Variants in PDXDC1 observed in about 807,000 individuals in gnomAD.
PDXDC1 encodes the protein pyridoxal dependent decarboxylase domain containing 1.
Under a neutral mutation model 100.1 loss-of-function variants are expected in PDXDC1, and 42 were observed. That is an observed-to-expected ratio of 0.42 (90% CI 0.33 to 0.54). The LOEUF is 0.54. Ranked by LOEUF, PDXDC1 falls within the 20% of genes least tolerant of loss-of-function variation. The pLI is 0.10. For synonymous variants in PDXDC1, 260 were observed against 371.7 expected (o/e 0.70, Z 3.46); for missense variants, 636 against 979.2 (o/e 0.65, Z 4.68).
chr16:15,068,983 C>T (rs1449773987), intron 16 of PDXDC1, among the ~76,000 whole-genome samples: 1 of 152,054 alleles, frequency 6.6e-6, no homozygotes, highest in Non-Finnish European at 1.5e-5. Context: ...ATATTTAATC[C>T]AGATTCCTGG....
In PDXDC1 at chr16:15,131,466, C is replaced by G. The variant is rs202066712; in HGVS notation, c.1400-7413C>G. ...AGGGGATGGAGAAGTGGCAGCCAGG[C>G]CCTGGGGCGCCGCCATAGCACAGCA... is the stretch of plus-strand genomic sequence containing the variant. On this transcript the variant is annotated intron_variant, in intron 16 of 16. Coordinates refer to the PDXDC1 transcript ENST00000535621. 3.1e-3 allele frequency: 4,910 copies of G among 1,607,762 alleles called. 110 individuals carry two copies. The South Asian group carries it at 0.039, about 13-fold the overall frequency.
intron 16 of PDXDC1, among the ~76,000 whole-genome samples, chr16:15,052,963 C>CT (rs758792630): frequency 2.0e-5 from 3 of 152,134 alleles, no homozygotes; most frequent in Admixed American, 2.0e-4. Context: ...TTAAGAGTGA[C>CT]TAAGGGAGGG....
At chr16:15,063,806 T>C (rs1219752373) in intron 16 of PDXDC1, among the ~76,000 whole-genome samples, 1 of 152,084 alleles carries the variant, frequency 6.6e-6, no homozygotes, top group African/African-American at 2.4e-5. Context: ...CATTCACTCA[T>C]GTCGATGGAG....
chr16:15,042,501 A>G (rs554461192), downstream of PDXDC1, among the ~76,000 whole-genome samples: 3 of 152,136 alleles, frequency 2.0e-5, no homozygotes, highest in South Asian at 6.2e-4. Context: ...ACAATTTTAT[A>G]TCCTGATTTG....
At chr16:15,140,447 C>CAAAAAA (rs888007915), downstream of PDXDC1, among the ~76,000 whole-genome samples, 77 of 38,178 alleles carry the variant, frequency 2.0e-3, no homozygotes, top group Middle Eastern at 0.013. Flanking sequence ...AGCTCCATCT[C>CAAAAAA]AAAAAAAAAA....
At chr16:15,061,983 G>T (rs2044733292) in intron 16 of PDXDC1, 4 of 1,388,480 alleles carry the variant, frequency 2.9e-6, no homozygotes, top group Admixed American at 4.0e-5. Context: ...CCTCAGGAAG[G>T]TGTTAACGTT....
downstream of PDXDC1, chr16:15,038,722 A>T (rs771616157): frequency 1.7e-6 from 2 of 1,196,760 alleles, no homozygotes; most frequent in Non-Finnish European, 2.5e-6. Context: ...GAATTTCAGG[A>T]ATGTCACCCA....
intron 1 of PDXDC1, among the ~76,000 whole-genome samples, chr16:14,976,287 A>G (rs867101361): frequency 6.6e-6 from 1 of 152,276 alleles, no homozygotes; most frequent in Non-Finnish European, 1.5e-5. Flanking sequence ...TAAGACGGCT[A>G]CATTTTAATT....
rs58185654 is a variant in PDXDC1, at chr16:15,013,874, CAAAAA to C, written c.728-2236_728-2232del. Among the ~76,000 whole-genome samples the C allele has an allele frequency of 9.0e-3, 1,218 of 135,908 alleles. 1 individual carries two copies. The highest frequency in any genetic ancestry group is 0.03 in the East Asian group (115 of 3,818). The allele number at this position is 135,908 out of a possible 152,430, so 89.2% of individuals were successfully genotyped here. A position where few individuals can be genotyped will look rare whatever the true frequency, so the allele number is the denominator to read the frequency against. On this transcript the variant is annotated intron_variant, in intron 8 of 22. Coordinates refer to ENST00000396410, the MANE Select transcript of PDXDC1 (RefSeq NM_015027.4). The stretch of plus-strand genomic sequence containing the variant: ...TGGGCGACAGAAAGGGTCTCTGTCT[CAAAAA>C]AAAAAAAAAAAAAAAAAATCATACT...
intron 8 of PDXDC1, among the ~76,000 whole-genome samples, chr16:15,011,265 C>A (rs1303184294): frequency 2.0e-5 from 3 of 152,414 alleles, no homozygotes; most frequent in African/African-American, 7.2e-5. Flanking sequence ...TATATGGACA[C>A]TTCAGGTTTT....
At chr16:15,098,389 T>C (rs1338525596) in intron 16 of PDXDC1, among the ~76,000 whole-genome samples, 1 of 150,434 alleles carries the variant, frequency 6.6e-6, no homozygotes, top group African/African-American at 2.4e-5. Flanking sequence ...TTAGTAGAGA[T>C]GGGGTTTCTC....
chr16:15,004,049 T>A (rs1485982160), intron 4 of PDXDC1, 138 bp from the exon 5 acceptor site: 1 of 831,928 alleles, frequency 1.2e-6, no homozygotes, highest in Non-Finnish European at 1.9e-6. Flanking sequence ...AAACTATCAC[T>A]ACTGTTTATG....
rs200853674 is a variant in PDXDC1 at position 15,036,477 on chromosome 16, G to T, written c.*202G>T. 5.2e-6 allele frequency: 2 copies of T among 382,870 alleles called. No homozygotes were observed. Among genetic ancestry groups the T allele is most frequent in the Non-Finnish European group, 8.8e-6 (2 of 227,638 alleles). The allele number at this position is 382,870 out of a possible 1,614,324, so 23.7% of individuals were successfully genotyped here. A position where few individuals can be genotyped will look rare whatever the true frequency, so the allele number is the denominator to read the frequency against. On this transcript the variant is annotated 3_prime_UTR_variant, in exon 23 of 23. Transcript: ENST00000396410. ...TAACTTCATGTACATGTAGAACCAC[G>T]TTTGCTGTCCTACTACGACTTTTCC... is the stretch of plus-strand genomic sequence containing the variant.
At chr16:15,150,161 G>A in the PDXDC1 span, among the ~76,000 whole-genome samples, 3 of 151,622 alleles carry the variant, frequency 2.0e-5, no homozygotes, top group Non-Finnish European at 4.4e-5. Context: ...TGGCTAACAC[G>A]GTGAAACCCC....
In PDXDC1 at chr16:15,038,042, G is replaced by GAGA. The variant is rs761004890; in HGVS notation, c.*1771_*1773dup. 1 of 1,611,396 alleles carries GAGA rather than the reference G, an allele frequency of 6.2e-7. No individual in the cohort carries two copies. The highest frequency in any genetic ancestry group is 8.5e-7 in the Non-Finnish European group (1 of 1,179,006). ...GTAATTCATGTTTTTTAACTTCCTG[G>GAGA]AGAAGAGATCTTTTCCCACAAGCCA... is the stretch of plus-strand genomic sequence containing the variant. On this transcript the variant is annotated 3_prime_UTR_variant, in exon 23 of 23. Transcript: ENST00000396410.
chr16:14,988,892 C>T (rs1458784851), intron 1 of PDXDC1: 2 of 1,613,626 alleles, frequency 1.2e-6, no homozygotes, highest in African/African-American at 1.3e-5. Context: ...CAGAGAGCTG[C>T]AGGATCTGCT....
At chr16:15,000,407 C>G (rs1656221993) in intron 3 of PDXDC1, among the ~76,000 whole-genome samples, 1 of 152,410 alleles carries the variant, frequency 6.6e-6, no homozygotes, top group East Asian at 1.9e-4. Context: ...CAGTGTGCCT[C>G]AAGGGCCCCT....
At chr16:15,021,384 C>CAA (rs377512816) in intron 12 of PDXDC1, among the ~76,000 whole-genome samples, 2 of 142,664 alleles carry the variant, frequency 1.4e-5, no homozygotes, top group African/African-American at 2.6e-5. Flanking sequence ...GACCCTGTCT[C>CAA]AAAAAAAAAA....
At chr16:15,100,423 C>T (rs574912312) in intron 16 of PDXDC1, among the ~76,000 whole-genome samples, 22 of 152,216 alleles carry the variant, frequency 1.4e-4, no homozygotes, top group African/African-American at 4.8e-4. Flanking sequence ...TAATTTAGAG[C>T]GTTCCTCATC....
Sources: allele counts gnomAD v4.1 joint callset (sites outside exome capture counted in the v4.1 genomes callset), GRCh38; gene constraint gnomAD v4.1.1; transcripts MANE v1.5; gene names NCBI Gene and HGNC (gene_info 2026-07-23, HGNC 2026-07-21).